The following STAG3 variants were observed in gnomAD, a reference collection of about 807,000 sequenced individuals.
The protein encoded by STAG3 is STAG3 cohesin complex component.
A neutral mutation model predicts 160.7 loss-of-function variants in STAG3; 101 were observed. The ratio of observed to expected loss-of-function variants is 0.63; its 90% confidence interval spans 0.54 to 0.74. The LOEUF (loss-of-function observed/expected upper bound fraction) is 0.74, where lower values mean the gene tolerates loss of function less well. STAG3 is among the 30% of genes least tolerant of loss of function. STAG3 has a pLI of 0.00. For synonymous variants in STAG3, 519 were observed against 585.0 expected, an observed-to-expected ratio of 0.89 and a Z score of 1.63; for missense variants, 1,188 against 1,517.4, an observed-to-expected ratio of 0.78 and a Z score of 3.61.
chr7:100,215,793 TCTC>T (rs971455659), downstream of STAG3, among the ~76,000 whole-genome samples: 16 of 152,256 alleles, frequency 1.1e-4, no homozygotes, highest in African/African-American at 3.9e-4. Flanking sequence ...GTCTAGGTTG[TCTC>T]CTCTTGAATA....
rs774393907 is a variant in STAG3 at position 100,189,576 on chromosome 7, C to T, written c.847C>T (p.Leu283=). 2.5e-6 allele frequency: 4 copies of T among 1,613,542 alleles called. No homozygotes were observed. The highest frequency in any genetic ancestry group is 1.6e-4 in the Middle Eastern group (1 of 6,076). The change falls in exon 8 of 34, where the codon CTG becomes TTG. Residue 283 remains leucine, a synonymous_variant. Transcript: ENST00000615138. ...GAGGGCACCTGAGCGGCTGGAGAGC[C>T]TGTTGGAGAAACGCAAAGAGGTGAG... ...GQRAPERLES[L]LEKRKELQEH... is the part of the protein sequence containing the mutation.
rs71126310 is a variant in STAG3 at position 100,184,463 on chromosome 7, G to GGTTTTTTTTTTTTTTTTTTTTTT, written c.336+1624_336+1625insGTTTTTTTTTTTTTTTTTTTTTT. Among the ~76,000 whole-genome samples, 3 of 98,552 alleles carry GGTTTTTTTTTTTTTTTTTTTTTT rather than the reference G, an allele frequency of 3.0e-5. 1 individual carries two copies. Among genetic ancestry groups the GGTTTTTTTTTTTTTTTTTTTTTT allele is most frequent in the Admixed American group, 1.4e-4 (1 of 7,264 alleles). The allele number at this position is 98,552 out of a possible 152,430, so 64.7% of individuals were successfully genotyped here. Reference sequence around the variant, plus strand: ...TTATATGCAGTTGTACAGCGTGTTAGTTTTTTTTTTTTTTTTTTTTTTTGA... The same window carrying GGTTTTTTTTTTTTTTTTTTTTTT: ...TTATATGCAGTTGTACAGCGTGTTAGGTTTTTTTTTTTTTTTTTTTTTTTTTTTTTTTTTTTTTTTTTTTTTGA... On this transcript the variant is annotated intron_variant, in intron 4 of 33. Transcript: ENST00000615138.
chr7:100,198,423 G>A, intron 12 of STAG3, 52 bp from the exon 13 acceptor site: 1 of 1,582,188 alleles, frequency 6.3e-7, no homozygotes, highest in Non-Finnish European at 8.7e-7. Context: ...CCTTGGTTGT[G>A]CCAGAAGACA....
chr7:100,204,265 C>A, intron 26 of STAG3, 143 bp downstream of exon 26: 1 of 650,508 alleles, frequency 1.5e-6, no homozygotes, highest in Non-Finnish European at 2.6e-6. Context: ...TTCCTTCATT[C>A]TTAGTAGACC....
chr7:100,188,503 C>T lies in STAG3; in HGVS notation c.484C>T (p.Gln162Ter). The T allele has an allele frequency of 1.2e-6, 2 of 1,613,522 alleles. No homozygotes were observed. The highest frequency in any genetic ancestry group is 1.7e-6 in the Non-Finnish European group (2 of 1,179,436). Reference sequence around the variant, plus strand: ...GAAGATGTCCAACTCAGAGATCATCCAGCACCTAACAGAGCAGTTTAATGA... The same window carrying T: ...GAAGATGTCCAACTCAGAGATCATCTAGCACCTAACAGAGCAGTTTAATGA... ...FKKMSNSEII[Q>*]HLTEQFNEDS... The change falls in exon 6 of 34, where the codon CAG (glutamine) becomes TAG (stop). Residue 162 changes from glutamine to a stop codon, truncating the protein, a stop_gained. Coordinates refer to ENST00000615138, the MANE Select transcript of STAG3 (RefSeq NM_001282717.2). LOFTEE classifies it high-confidence loss of function.
chr7:100,214,712 C>T (rs2950519), downstream of STAG3, among the ~76,000 whole-genome samples: 5 of 152,110 alleles, frequency 3.3e-5, no homozygotes, highest in East Asian at 3.9e-4. Flanking sequence ...GCAGCCTTCA[C>T]CCACGGGTTC....
intron 8 of STAG3, among the ~76,000 whole-genome samples, chr7:100,193,455 A>G (rs1315906821): frequency 6.6e-6 from 1 of 152,228 alleles, no homozygotes; most frequent in Non-Finnish European, 1.5e-5. Context: ...ATTATAAGGC[A>G]GTTTAGTCCA....
At position 100,205,266 on chromosome 7, in the gene STAG3, G is replaced by C; in HGVS notation, c.3120G>C (p.Gln1040His). 6.2e-7 allele frequency: 1 copy of C among 1,614,080 alleles called. No individual in the cohort carries two copies. The highest frequency in any genetic ancestry group is 1.1e-5 in the South Asian group (1 of 91,078). ...YLEKCLQHVS[Q>H]APGHPWGPVT... is the part of the protein sequence containing the mutation. ...AAAAGTGCCTGCAGCATGTCTCCCAGGCACCTGGCCATCCCTGGGGCCCAG... is the reference window on the plus strand; with the variant it reads ...AAAAGTGCCTGCAGCATGTCTCCCACGCACCTGGCCATCCCTGGGGCCCAG... Residue 1040 changes from glutamine to histidine, a missense_variant, in exon 29 of 34, where the codon CAG (glutamine) becomes CAC (histidine). Physicochemically the swap from Gln to His is conservative, Grantham distance 24 (BLOSUM62 0). Transcript: ENST00000615138.
chr7:100,210,847 G>C (rs906827591), intron 29 of STAG3, among the ~76,000 whole-genome samples, 164 bp from the exon 30 acceptor site: 5 of 152,164 alleles, frequency 3.3e-5, no homozygotes, highest in African/African-American at 1.2e-4. Flanking sequence ...TATGTATTTA[G>C]TACATAGGGC....
At chr7:100,198,784 T>A in intron 13 of STAG3, 59 bp from the exon 14 acceptor site, 12 of 1,482,060 alleles carry the variant, frequency 8.1e-6, no homozygotes, top group Non-Finnish European at 1.1e-5. Flanking sequence ...CCCTCTGTGG[T>A]CGTTACACCT....
chr7:100,219,092 G>A (rs1803022661), downstream of STAG3: 1 of 152,574 alleles, frequency 6.6e-6, no homozygotes, highest in Non-Finnish European at 1.5e-5. Context: ...ACTAAGTTAG[G>A]CCCAGTGAAG....
Position 100,202,159 on chromosome 7 carries a change from T to C in STAG3, c.2395-13T>C, listed in dbSNP as rs1801197748. 6.2e-7 allele frequency: 1 copy of C among 1,609,896 alleles called. No homozygotes were observed. The highest frequency in any genetic ancestry group is 1.1e-5 in the South Asian group (1 of 90,568). ...TTCTGTCCTTTTAAACATCCTTTCTTTTCCCCCTACAGGCTTTTGTCTTAT... is the reference window on the plus strand; with the variant it reads ...TTCTGTCCTTTTAAACATCCTTTCTCTTCCCCCTACAGGCTTTTGTCTTAT... On this transcript the variant is annotated splice_polypyrimidine_tract_variant and intron_variant, in intron 23 of 33. Transcript: ENST00000615138.
intron 19 of STAG3, 25 bp from the exon 20 acceptor site, chr7:100,201,065 A>G (rs375960168): frequency 1.9e-4 from 314 of 1,613,850 alleles, no homozygotes; most frequent in Non-Finnish European, 2.6e-4. Flanking sequence ...GGGAAATGCT[A>G]TTGTGGATCT....
intron 25 of STAG3, 107 bp downstream of exon 25, chr7:100,202,697 C>T: frequency 7.0e-7 from 1 of 1,426,714 alleles, no homozygotes. Flanking sequence ...TGGTTTCAAG[C>T]TTAAAGGAGA....
intron 4 of STAG3, among the ~76,000 whole-genome samples, chr7:100,185,646 A>T (rs1423664385): frequency 1.3e-5 from 2 of 151,926 alleles, no homozygotes; most frequent in Admixed American, 6.6e-5. Context: ...TATTCTGATT[A>T]TTCTGATCAT....
intron 28 of STAG3, 33 bp downstream of exon 28, chr7:100,205,166 G>C (rs764596126): frequency 2.5e-6 from 4 of 1,613,776 alleles, no homozygotes; most frequent in Non-Finnish European, 2.5e-6. Context: ...ATGTGGATTA[G>C]GGAAGGGCCT....
chr7:100,211,891 CT>C lies in STAG3; in HGVS notation c.3600+16del. The C allele has an allele frequency of 6.2e-7, 1 of 1,612,236 alleles. No individual in the cohort carries two copies. Among genetic ancestry groups the C allele is most frequent in the South Asian group, 1.1e-5 (1 of 90,880 alleles). Reference sequence around the variant, plus strand: ...ATACAGACATGGTGAGTAGACCACCCTGCCCTTCTCTCTCAAGAACTAGGGG... The same window carrying C: ...ATACAGACATGGTGAGTAGACCACCCGCCCTTCTCTCTCAAGAACTAGGGG... On this transcript the variant is annotated intron_variant, in intron 32 of 33. Transcript: ENST00000615138.
At chr7:100,197,949 C>G (rs553342862) in intron 11 of STAG3, 73 bp downstream of exon 11, 2 of 1,514,882 alleles carry the variant, frequency 1.3e-6, no homozygotes, top group Non-Finnish European at 1.8e-6. Context: ...TCTTTCTACC[C>G]CTCATGCTCT....
Position 100,214,107 on chromosome 7 carries a change from T to C in STAG3, c.*92T>C, listed in dbSNP as rs564420464. On this transcript the variant is annotated 3_prime_UTR_variant, in exon 34 of 34. Transcript: ENST00000615138. ...AGAGAAAAGGAGCAAAATGAAGCAT[T>C]CCCCCAGGCTTCAGCCCTGGGCTCT... The C allele has an allele frequency of 1.9e-3, 2,808 of 1,501,942 alleles. 9 individuals are homozygous for C. The highest frequency in any genetic ancestry group is 2.2e-3 in the Non-Finnish European group (2,370 of 1,086,624). 93.0% of individuals were successfully genotyped at this position (1,501,942 alleles called of 1,614,324 possible). A position where few individuals can be genotyped will look rare whatever the true frequency, so the allele number is the denominator to read the frequency against.
Sources: gnomAD v4.1 joint callset for allele counts (sites outside exome capture counted in the v4.1 genomes callset) on GRCh38, gnomAD v4.1.1 for gene constraint, MANE v1.5 for transcripts, NCBI Gene and HGNC (gene_info 2026-07-23, HGNC 2026-07-21) for gene names.